The following HTT variants were observed in gnomAD, a reference collection of about 807,000 sequenced individuals.
HTT encodes the protein huntingtin.
HTT carries 104 observed loss-of-function variants against 362.3 expected under a neutral mutation model. The ratio of observed to expected loss-of-function variants is 0.29; its 90% CI spans 0.24 to 0.34. HTT has a LOEUF of 0.34. HTT is among the 10% of genes least tolerant of loss of function. The pLI is 1.00. For synonymous variants in HTT, 1,577 were observed against 1,548.7 expected (o/e 1.02, Z -0.43); for missense variants, 3,301 against 3,928.6 (o/e 0.84, Z 4.27).
intron 2 of HTT, among the ~76,000 whole-genome samples, chr4:3,092,443 G>A (rs1446127017): frequency 6.6e-6 from 1 of 152,136 alleles, no homozygotes; most frequent in African/African-American, 2.4e-5. Flanking sequence ...GGATGCAGTT[G>A]CACAATCATA....
rs753110289 is a variant in HTT at position 3,228,204 on chromosome 4, G to A, written c.7849-411G>A. Among the ~76,000 whole-genome samples, 1 of 152,238 alleles carries A rather than the reference G, an allele frequency of 6.6e-6. No individual in the cohort carries two copies. Among genetic ancestry groups the A allele is most frequent in the Non-Finnish European group, 1.5e-5 (1 of 68,046 alleles). On this transcript the variant is annotated intron_variant, in intron 57 of 66. Transcript: ENST00000355072. This position sits in a 1 kb window ranked among gnomAD's most constrained non-coding sequence, Gnocchi z 4.3. Reference sequence around the variant, plus strand: ...GATCTAGAGCGCGGGTCACAAAGGCGCGAGGGAGCTCTGGCCTTGGGTTTA... The same window carrying A: ...GATCTAGAGCGCGGGTCACAAAGGCACGAGGGAGCTCTGGCCTTGGGTTTA...
At chr4:3,163,929 G>A (rs1220783605) in intron 29 of HTT, among the ~76,000 whole-genome samples, 1 of 151,730 alleles carries the variant, frequency 6.6e-6, no homozygotes, top group Non-Finnish European at 1.5e-5. Context: ...ATCTCCTTCA[G>A]TTCTGCTCTG....
At chr4:3,232,181 G>A (rs1721286618) in intron 60 of HTT, among the ~76,000 whole-genome samples, 1 of 152,180 alleles carries the variant, frequency 6.6e-6, no homozygotes, top group African/African-American at 2.4e-5. Context: ...GGGTGAGGTG[G>A]GGGCCCAAGA....
chr4:3,238,730 G>GGCCCCCCCCCCCCCCCCCCCCCCCCC, intron 65 of HTT, 88 bp from the exon 66 acceptor site: 7 of 1,096,964 alleles, frequency 6.4e-6, no homozygotes, highest in Admixed American at 2.1e-5. Flanking sequence ...AATGCCTCTG[G>GGCCCCCCCCCCCCCCCCCCCCCCCCC]CCCCCACCCC....
rs528315184 is a variant in HTT at position 3,179,763 on chromosome 4, T to C, written c.4613-752T>C. 2.7e-3 allele frequency among the ~76,000 whole-genome samples: 394 copies of C among 145,854 alleles called. 6 individuals are homozygous for C. Among genetic ancestry groups the C allele is most frequent in the African/African-American group, 9.7e-3 (377 of 38,672 alleles). On this transcript the variant is annotated intron_variant, in intron 35 of 66. Transcript: ENST00000355072. The stretch of plus-strand genomic sequence containing the variant: ...GTGTGCCTCTGTGTGTGCTCATTTG[T>C]GAGCGTATGTGTCACTGAGGGGGTC...
At chr4:3,093,860 CTTTTTTTTT>C (rs1179450975) in intron 2 of HTT, among the ~76,000 whole-genome samples, 1 of 73,370 alleles carries the variant, frequency 1.4e-5, no homozygotes, top group African/African-American at 4.9e-5. Flanking sequence ...CTGCCAATTC[CTTTTTTTTT>C]TTTTTTTTTA....
chr4:3,172,864 G>A (rs934853905), intron 30 of HTT, 44 bp from the exon 31 acceptor site: 4 of 1,298,550 alleles, frequency 3.1e-6, no homozygotes, highest in Non-Finnish European at 4.5e-6. Context: ...TCTTAAAAGT[G>A]TTGTTCACGC....
intron 36 of HTT, 139 bp from the exon 37 acceptor site, chr4:3,182,215 C>T (rs992051783): frequency 8.3e-6 from 5 of 604,086 alleles, no homozygotes; most frequent in African/African-American, 3.7e-5. Flanking sequence ...GCATTAGTGT[C>T]CCCCTGTCCT....
At chr4:3,176,461 T>C (rs1360909064) in intron 33 of HTT, among the ~76,000 whole-genome samples, 4 of 152,280 alleles carry the variant, frequency 2.6e-5, no homozygotes, top group African/African-American at 7.2e-5. Flanking sequence ...GAAATAGTCA[T>C]TGGGAACTTC....
chr4:3,202,775 G>T (rs1719644209), intron 41 of HTT, among the ~76,000 whole-genome samples: 1 of 152,188 alleles, frequency 6.6e-6, no homozygotes, highest in South Asian at 2.1e-4. Flanking sequence ...ATTTTGAGAG[G>T]CTGAAGTGGG....
chr4:3,163,369 A>C (rs1194286919), intron 29 of HTT, among the ~76,000 whole-genome samples: 1 of 152,056 alleles, frequency 6.6e-6, no homozygotes, highest in Non-Finnish European at 1.5e-5. Context: ...TTCATCAGGG[A>C]TATTGGCCTA....
chr4:3,174,881 T>G (rs1193051735), intron 32 of HTT, 65 bp from the exon 33 acceptor site: 1 of 1,559,154 alleles, frequency 6.4e-7, no homozygotes, highest in Non-Finnish European at 8.8e-7. Flanking sequence ...TCCAGGTATT[T>G]TGCTTGAAGC....
In HTT at chr4:3,127,594, G is replaced by T; in HGVS notation, c.1733G>T (p.Ser578Ile). Residue 578 changes from serine to isoleucine, a missense_variant, in exon 12 of 67, where the codon AGT (serine) becomes ATT (isoleucine). Around this residue, in one of 4 missense-constraint regions of HTT, gnomAD observed 2,316 missense variants for 2,658.5 expected, o/e 0.87. Coordinates refer to ENST00000355072, the MANE Select transcript of HTT (RefSeq NM_001388492.1). ...GATTCAGCTGTTACCCCTTCAGACAGTTCTGAAATTGTAAGTGGGCAGAGG... is the reference window on the plus strand; with the variant it reads ...GATTCAGCTGTTACCCCTTCAGACATTTCTGAAATTGTAAGTGGGCAGAGG... ...GPDSAVTPSDSSEIVLDGTDN... is the reference protein window; with the variant it reads ...GPDSAVTPSDISEIVLDGTDN... 1 of 1,605,874 alleles carries T rather than the reference G, an allele frequency of 6.2e-7. No individual in the cohort carries two copies. Among genetic ancestry groups the T allele is most frequent in the Non-Finnish European group, 8.5e-7 (1 of 1,173,514 alleles).
At chr4:3,097,436 A>G (rs1161068118) in intron 2 of HTT, among the ~76,000 whole-genome samples, 1 of 152,208 alleles carries the variant, frequency 6.6e-6, no homozygotes, top group Non-Finnish European at 1.5e-5. Context: ...GTTTGGGACC[A>G]GCCTGGCCAA....
At chr4:3,075,647 C>CGGGGGGGGGGGGGG (rs1560535774) in intron 1 of HTT, among the ~76,000 whole-genome samples, 13 of 61,674 alleles carry the variant, frequency 2.1e-4, no homozygotes, top group Non-Finnish European at 2.6e-4. Flanking sequence ...AGTGGCGGGG[C>CGGGGGGGGGGGGGG]AGGGGGGGGG....
At chr4:3,164,312 C>A (rs1033885710) in intron 29 of HTT, among the ~76,000 whole-genome samples, 8 of 152,148 alleles carry the variant, frequency 5.3e-5, no homozygotes, top group African/African-American at 1.9e-4. Flanking sequence ...GATTTCTGTT[C>A]TTTTACATTT....
chr4:3,120,469 C>T (rs1715242158), intron 8 of HTT, among the ~76,000 whole-genome samples: 1 of 152,144 alleles, frequency 6.6e-6, no homozygotes, highest in Admixed American at 6.5e-5. Flanking sequence ...GGGTCCCCAA[C>T]CCCCAGGCTG....
intron 1 of HTT, among the ~76,000 whole-genome samples, chr4:3,078,945 C>T (rs965813571): frequency 1.3e-5 from 2 of 152,180 alleles, no homozygotes; most frequent in African/African-American, 4.8e-5. Flanking sequence ...CCGTGTTAGC[C>T]AGGATGATCT....
chr4:3,121,208 C>T lies in HTT; in HGVS notation c.1069-20C>T. ...ATTTTATAAACTCTGACCAGAACACCTGTGTTTCTCTGTTTCTAGGTTTAT... is the reference window on the plus strand; with the variant it reads ...ATTTTATAAACTCTGACCAGAACACTTGTGTTTCTCTGTTTCTAGGTTTAT... On this transcript the variant is annotated intron_variant, in intron 8 of 66. Transcript: ENST00000355072. 1.3e-6 allele frequency: 2 copies of T among 1,590,616 alleles called. No individual in the cohort carries two copies. The highest frequency in any genetic ancestry group is 8.6e-7 in the Non-Finnish European group (1 of 1,158,684).
Sources: gnomAD v4.1 joint callset for allele counts (sites outside exome capture counted in the v4.1 genomes callset) on GRCh38, gnomAD v4.1.1 for gene constraint, gnomAD v4.1.1 regional missense constraint, Gnocchi (gnomAD v3.1) non-coding constraint, MANE v1.5 for transcripts, NCBI Gene and HGNC (gene_info 2026-07-23, HGNC 2026-07-21) for gene names.